Variants in DLEU7 observed in about 807,000 individuals in gnomAD.
DLEU7 encodes the protein leukemia-associated protein 7.
DLEU7 carries 17 observed loss-of-function variants against 16.0 expected under a neutral mutation model. The ratio of observed to expected loss-of-function variants is 1.06; its 90% CI spans 0.73 to 1.59. DLEU7 has a LOEUF of 1.59. DLEU7 is among the 40% of genes most tolerant of loss of function. The pLI, the probability that DLEU7 is intolerant of heterozygous loss-of-function variation, is 0.00. For synonymous variants in DLEU7, 113 were observed against 139.8 expected (o/e 0.81, Z 1.35); for missense variants, 308 against 314.9 (o/e 0.98, Z 0.17).
chr13:50,803,572 G>C (rs1876305357), intron 1 of DLEU7, among the ~76,000 whole-genome samples: 1 of 151,566 alleles, frequency 6.6e-6, no homozygotes, highest in Non-Finnish European at 1.5e-5. Context: ...AGATTTCTTG[G>C]AACAAAAAGG....
chr13:50,714,545 C>G (rs951711498), intron 1 of DLEU7, among the ~76,000 whole-genome samples: 1 of 152,172 alleles, frequency 6.6e-6, no homozygotes, highest in African/African-American at 2.4e-5. Context: ...CATCTATTCT[C>G]AGGAGATGTC....
At chr13:50,724,809 A>G (rs1052606929) in intron 1 of DLEU7, among the ~76,000 whole-genome samples, 3 of 152,264 alleles carry the variant, frequency 2.0e-5, no homozygotes, top group African/African-American at 7.2e-5. Context: ...AGCAGCCACC[A>G]TTTCAAATGT....
intron 1 of DLEU7, among the ~76,000 whole-genome samples, chr13:50,764,042 A>C (rs1875026955): frequency 6.6e-6 from 1 of 152,218 alleles, no homozygotes; most frequent in African/African-American, 2.4e-5. Context: ...CATTTAAGGC[A>C]CTGCAGGTAG....
intron 1 of DLEU7, among the ~76,000 whole-genome samples, chr13:50,778,657 T>G (rs981428871): frequency 2.0e-5 from 3 of 152,210 alleles, no homozygotes; most frequent in African/African-American, 7.2e-5. Context: ...AGCATTATGA[T>G]CTCCACACAT....
chr13:50,747,332 C>CTGTG (rs3039979), intron 1 of DLEU7, among the ~76,000 whole-genome samples: 19,087 of 137,556 alleles, frequency 0.14, 1,185 homozygotes, highest in Non-Finnish European at 0.15. Context: ...AAGAAAAACT[C>CTGTG]TGTGTGTGTG....
chr13:50,774,150 T>C (rs557528950), intron 1 of DLEU7, among the ~76,000 whole-genome samples: 1 of 152,218 alleles, frequency 6.6e-6, no homozygotes, highest in Non-Finnish European at 1.5e-5. Context: ...TGGAGTGACC[T>C]GATTTTCCAG....
At chr13:50,806,785 A>C (rs1244045156) in intron 1 of DLEU7, among the ~76,000 whole-genome samples, 1 of 151,922 alleles carries the variant, frequency 6.6e-6, no homozygotes, top group African/African-American at 2.4e-5. Context: ...GTGTAATTCC[A>C]GTTGTATTTA....
chr13:50,801,483 C>T (rs993063206), intron 1 of DLEU7, among the ~76,000 whole-genome samples: 1 of 152,086 alleles, frequency 6.6e-6, no homozygotes, highest in African/African-American at 2.4e-5. Context: ...CATAATGCAT[C>T]CAGTTAAGGC....
chr13:50,803,929 A>G (rs1401103637), intron 1 of DLEU7, among the ~76,000 whole-genome samples: 1 of 152,132 alleles, frequency 6.6e-6, no homozygotes, highest in Non-Finnish European at 1.5e-5. Context: ...CCTTACTACA[A>G]TACTTTTAAA....
intron 1 of DLEU7, among the ~76,000 whole-genome samples, chr13:50,717,554 G>A (rs569398101): frequency 5.3e-5 from 8 of 150,488 alleles, no homozygotes; most frequent in Non-Finnish European, 8.9e-5. Context: ...AACAAATAGC[G>A]TGAAGTCTCA....
At chr13:50,746,718 C>A (rs756572991) in intron 1 of DLEU7, among the ~76,000 whole-genome samples, 36 of 152,044 alleles carry the variant, frequency 2.4e-4, no homozygotes, top group Non-Finnish European at 1.0e-4. Context: ...TTTCTACTTC[C>A]ACACTGTTTT....
At chr13:50,781,980 A>G (rs1470108741) in intron 1 of DLEU7, among the ~76,000 whole-genome samples, 1 of 152,164 alleles carries the variant, frequency 6.6e-6, no homozygotes, top group Non-Finnish European at 1.5e-5. Flanking sequence ...CCTTCTCCAT[A>G]TGTATTCAAA....
chr13:50,818,024 C>T (rs1271851083), downstream of DLEU7, among the ~76,000 whole-genome samples: 3 of 152,050 alleles, frequency 2.0e-5, no homozygotes, highest in Non-Finnish European at 4.4e-5. Context: ...TCCAGAAATT[C>T]ATTACTATAG....
At chr13:50,783,397 G>A (rs10507567) in intron 1 of DLEU7, among the ~76,000 whole-genome samples, 3,351 of 152,162 alleles carry the variant, frequency 0.022, 120 homozygotes, top group African/African-American at 0.076. Flanking sequence ...TTCAGGTTAC[G>A]TCATCTTACA....
At chr13:50,735,260 A>G (rs764078224) in intron 1 of DLEU7, among the ~76,000 whole-genome samples, 8 of 152,188 alleles carry the variant, frequency 5.3e-5, no homozygotes, top group Non-Finnish European at 1.2e-4. Flanking sequence ...AGAATTCAGT[A>G]AAGACATAAA....
chr13:50,813,817 C>T (rs998470711), intron 1 of DLEU7, among the ~76,000 whole-genome samples: 7 of 152,076 alleles, frequency 4.6e-5, no homozygotes, highest in Middle Eastern at 3.4e-3. Context: ...GCATTAGAAA[C>T]GTGAAAGGCT....
chr13:50,745,795 A>C (rs1356399568), intron 1 of DLEU7, among the ~76,000 whole-genome samples: 2 of 152,174 alleles, frequency 1.3e-5, no homozygotes, highest in Non-Finnish European at 2.9e-5. Context: ...TCTGAATGGC[A>C]GTGAATTTCC....
intron 1 of DLEU7, among the ~76,000 whole-genome samples, chr13:50,833,239 G>T (rs1158541220): frequency 6.6e-6 from 1 of 152,206 alleles, no homozygotes; most frequent in Non-Finnish European, 1.5e-5. Flanking sequence ...ATTCAAACAG[G>T]AAGAGAGGAA....
intron 1 of DLEU7, chr13:50,713,293 T>C: frequency 1.3e-6 from 2 of 1,573,618 alleles, no homozygotes; most frequent in Non-Finnish European, 1.7e-6. Context: ...TTTTTTATAT[T>C]CATTGATTCA....
Sources: allele counts gnomAD v4.1 joint callset (sites outside exome capture counted in the v4.1 genomes callset), GRCh38; gene constraint gnomAD v4.1.1; transcripts MANE v1.5; gene names NCBI Gene and HGNC (gene_info 2026-07-23, HGNC 2026-07-21).